VSTM4: variants seen among roughly 807,000 people sequenced by gnomAD.
VSTM4 encodes V-set and transmembrane domain containing 4.
In VSTM4, 20 loss-of-function variants were observed where a neutral mutation model predicts 36.4. The ratio of observed to expected loss-of-function variants is 0.55; its 90% confidence interval spans 0.39 to 0.80. The LOEUF is 0.80. Ranked by LOEUF, VSTM4 falls within the 30% of genes least tolerant of loss-of-function variation. The pLI is 0.00. For missense variants in VSTM4, 392 were observed against 404.5 expected (o/e 0.97, Z 0.26); for synonymous variants, 182 against 173.9 (o/e 1.05, Z -0.37).
chr10:49,107,712 G>C lies in VSTM4; in HGVS notation c.339C>G (p.Ser113=). 2 of 1,614,196 alleles carry C rather than the reference G, an allele frequency of 1.2e-6. No individual in the cohort carries two copies. Among genetic ancestry groups the C allele is most frequent in the Non-Finnish European group, 1.7e-6 (2 of 1,180,032 alleles). ...GATCGGAGGGCTGCAGTGTCAAGAC[G>C]GAGAGCCTGTAGAGCGCCCCCCGCT... The part of the protein sequence containing the change: ...EEQRGALYRL[S]VLTLQPSDQG... The change falls in exon 2 of 8, where the codon TCC becomes TCG. Residue 113 remains serine (S), a synonymous_variant. Transcript: ENST00000332853.
At chr10:49,104,998 C>CAG (rs141563757) in intron 2 of VSTM4, among the ~76,000 whole-genome samples, 5 of 90,108 alleles carry the variant, frequency 5.5e-5, no homozygotes, top group African/African-American at 2.7e-4. Flanking sequence ...CACAGAGAGA[C>CAG]AGAGAGAGAG....
chr10:49,066,861 CATATT>C (rs1182269016), intron 4 of VSTM4, among the ~76,000 whole-genome samples: 1 of 152,058 alleles, frequency 6.6e-6, no homozygotes, highest in Non-Finnish European at 1.5e-5. Context: ...TTTGTACACA[CATATT>C]ATCTTACAGA....
intron 5 of VSTM4, among the ~76,000 whole-genome samples, chr10:49,059,302 C>T (rs1049249472): frequency 2.0e-5 from 3 of 152,202 alleles, no homozygotes; most frequent in Admixed American, 2.0e-4. Flanking sequence ...ATAGGGAGAA[C>T]TGCCACTCAG....
intron 7 of VSTM4, among the ~76,000 whole-genome samples, chr10:49,039,023 A>G (rs1394575427): frequency 6.6e-6 from 1 of 152,196 alleles, no homozygotes; most frequent in East Asian, 1.9e-4. Flanking sequence ...GGGGGCATCC[A>G]GGACAGAGGA....
intron 2 of VSTM4, among the ~76,000 whole-genome samples, chr10:49,089,809 A>G (rs897422448): frequency 6.6e-6 from 1 of 152,268 alleles, no homozygotes; most frequent in Admixed American, 6.5e-5. Flanking sequence ...ATCCTGTGCT[A>G]TCTCAAAGTG....
chr10:49,051,954 A>AC, intron 5 of VSTM4, among the ~76,000 whole-genome samples: 1 of 48,738 alleles, frequency 2.1e-5, no homozygotes, highest in South Asian at 4.9e-4. Context: ...AATTTTTCAT[A>AC]TTTATATTCT....
intron 7 of VSTM4, among the ~76,000 whole-genome samples, chr10:49,041,555 C>A (rs998927058): frequency 6.6e-6 from 1 of 152,062 alleles, no homozygotes; most frequent in African/African-American, 2.4e-5. Flanking sequence ...TAGTCAGGAC[C>A]ACAGCTATAT....
intron 4 of VSTM4, among the ~76,000 whole-genome samples, chr10:49,071,832 G>A (rs1844084991): frequency 6.6e-6 from 1 of 152,220 alleles, no homozygotes; most frequent in Non-Finnish European, 1.5e-5. Flanking sequence ...TGCAGGAGGG[G>A]TTGGGTCTCC....
rs140003245 is a variant in VSTM4 at position 49,108,538 on chromosome 10, C to G, written c.56-543G>C. ...CAGGAAGCTGGGCCCCTTTCCCTGA[C>G]TCCGCTATTTCAACTGTACCCAGGG... On this transcript the variant is annotated intron_variant, in intron 1 of 7. Transcript: ENST00000332853. Among the ~76,000 whole-genome samples, 296 of 152,338 alleles carry G rather than the reference C, an allele frequency of 1.9e-3. 3 individuals are homozygous for G. The highest frequency in any genetic ancestry group is 7.0e-3 in the African/African-American group (289 of 41,582).
In VSTM4 at chr10:49,048,532, T is replaced by A. The variant is rs372235094; in HGVS notation, c.721A>T (p.Lys241Ter). 15 of 1,599,812 alleles carry A rather than the reference T, an allele frequency of 9.4e-6. No individual in the cohort carries two copies. Among genetic ancestry groups the A allele is most frequent in the Non-Finnish European group, 1.3e-5 (15 of 1,174,706 alleles). ...GGCTTCTCCTTCTGCCTCTTGCCCT[T>A]CTTGGGCTGTAGTGGGGCCAAGCTG... The part of the protein sequence containing the change: ...VTSLAPLQPK[K>*]GKRQKEKPDI... Residue 241 changes from lysine (K) to a stop codon, truncating the protein, a stop_gained, in exon 6 of 8, where the codon AAG (lysine) becomes TAG (stop). Transcript: ENST00000332853. LOFTEE classifies it high-confidence loss of function.
intron 2 of VSTM4, among the ~76,000 whole-genome samples, chr10:49,089,493 TC>T (rs1428032713): frequency 2.0e-5 from 3 of 152,158 alleles, no homozygotes; most frequent in African/African-American, 7.2e-5. Context: ...CAATTACAGT[TC>T]CCTTTCCCTT....
intron 5 of VSTM4, among the ~76,000 whole-genome samples, chr10:49,053,254 A>G (rs139655807): frequency 3.3e-5 from 5 of 152,308 alleles, no homozygotes; most frequent in African/African-American, 1.2e-4. Context: ...TGCCTCCAAC[A>G]AGGGCAGGCA....
At chr10:49,078,741 T>C (rs1261824578) in intron 3 of VSTM4, among the ~76,000 whole-genome samples, 1 of 152,250 alleles carries the variant, frequency 6.6e-6, no homozygotes, top group African/African-American at 2.4e-5. Flanking sequence ...GTTAATATCC[T>C]GTTTGTGATA....
In VSTM4 at chr10:49,016,710, C is replaced by T. The variant is rs183525528; in HGVS notation, c.*2940G>A. On this transcript the variant is annotated 3_prime_UTR_variant, in exon 8 of 8. Coordinates refer to ENST00000332853, the MANE Select transcript of VSTM4 (RefSeq NM_001031746.5). ...TCAAGAGGTGGGAGGCCTGGCTTTT[C>T]CTTATTTTCCCTGTGAGCTAACAGA... 61 of 152,328 alleles carry T rather than the reference C, an allele frequency of 4.0e-4. No individual in the cohort carries two copies. The East Asian group carries it at 0.011, about 28-fold the overall frequency. The allele number at this position is 152,328 out of a possible 1,614,324, so 9.4% of individuals were successfully genotyped here. A position where few individuals can be genotyped will look rare whatever the true frequency, so the allele number is the denominator to read the frequency against.
chr10:49,103,457 T>A (rs554281504), intron 2 of VSTM4: 1 of 976,542 alleles, frequency 1.0e-6, no homozygotes, highest in South Asian at 4.7e-5. Flanking sequence ...TTTATTTTCT[T>A]CTTTAAACCC....
intron 2 of VSTM4, chr10:49,103,750 T>C: frequency 2.5e-6 from 4 of 1,613,558 alleles, no homozygotes; most frequent in African/African-American, 1.3e-5. Context: ...CATCAAGAAC[T>C]CTGCAGGAAG....
intron 4 of VSTM4, among the ~76,000 whole-genome samples, chr10:49,067,120 C>A (rs1843987148): frequency 6.6e-6 from 1 of 152,140 alleles, no homozygotes; most frequent in Admixed American, 6.5e-5. Context: ...CTAATCATTT[C>A]ATTTTTAAGA....
intron 3 of VSTM4, 38 bp from the exon 4 acceptor site, chr10:49,077,364 G>A (rs754573720): frequency 6.3e-7 from 1 of 1,595,778 alleles, no homozygotes; most frequent in African/African-American, 1.3e-5. Flanking sequence ...CAGCCTTCTG[G>A]GGGCCGCAGC....
intron 5 of VSTM4, among the ~76,000 whole-genome samples, chr10:49,054,673 C>CA (rs1843748616): frequency 6.6e-6 from 1 of 152,046 alleles, no homozygotes; most frequent in South Asian, 2.1e-4. Context: ...CTGATTCCAC[C>CA]AAAAAACATA....
Sources: allele counts gnomAD v4.1 joint callset (sites outside exome capture counted in the v4.1 genomes callset), GRCh38; gene constraint gnomAD v4.1.1; transcripts MANE v1.5; gene names NCBI Gene and HGNC (gene_info 2026-07-23, HGNC 2026-07-21).